Variants in CSMD1 observed in about 807,000 individuals in gnomAD.
The protein encoded by CSMD1 is CUB and Sushi multiple domains 1.
A neutral mutation model predicts 417.5 loss-of-function variants in CSMD1; 213 were observed. The observed-to-expected ratio is 0.51, with a 90% CI of 0.46 to 0.57. The LOEUF (loss-of-function observed/expected upper bound fraction) is 0.57, where lower values mean the gene tolerates loss of function less well. CSMD1 is among the 20% of genes least tolerant of loss of function. The pLI, the probability that CSMD1 is intolerant of heterozygous loss-of-function variation, is 0.00. For synonymous variants in CSMD1, 2,862 were observed against 1,736.8 expected, an observed-to-expected ratio of 1.65 and a Z score of -16.11; for missense variants, 6,923 against 4,529.7, an observed-to-expected ratio of 1.53 and a Z score of -15.17.
chr8:4,446,861 T>G (rs192689775), intron 2 of CSMD1, among the ~76,000 whole-genome samples: 1 of 151,146 alleles, frequency 6.6e-6, no homozygotes, highest in East Asian at 2.0e-4. Flanking sequence ...GACCTTGTGA[T>G]CCACCCGCCT....
chr8:3,958,303 A>AT (rs201408245), intron 5 of CSMD1, among the ~76,000 whole-genome samples: 1,620 of 131,436 alleles, frequency 0.012, 30 homozygotes, highest in African/African-American at 0.044. Context: ...AAAAAGTTTC[A>AT]TTTTTTTAAA....
intron 30 of CSMD1, among the ~76,000 whole-genome samples, chr8:3,212,386 T>C (rs1216089079): frequency 6.6e-6 from 1 of 152,176 alleles, no homozygotes; most frequent in African/African-American, 2.4e-5. Flanking sequence ...TGTCGATCTG[T>C]TGCCCAGGCT....
chr8:4,433,368 T>A (rs1014742169), intron 2 of CSMD1, among the ~76,000 whole-genome samples: 5 of 152,090 alleles, frequency 3.3e-5, no homozygotes, highest in Admixed American at 2.0e-4. Context: ...ACTCATAATA[T>A]CATGGACATG....
intron 5 of CSMD1, among the ~76,000 whole-genome samples, chr8:3,970,819 C>T (rs1004371696): frequency 5.9e-5 from 9 of 152,112 alleles, no homozygotes; most frequent in African/African-American, 2.2e-4. Context: ...GGGGCACCAT[C>T]TGTCTCACTG....
chr8:4,131,469 T>C (rs146129936), intron 3 of CSMD1, among the ~76,000 whole-genome samples: 2 of 152,304 alleles, frequency 1.3e-5, no homozygotes, highest in Non-Finnish European at 2.9e-5. Flanking sequence ...TCTTAAAAAA[T>C]AAAAGTTTGA....
rs2164899 is a variant in CSMD1, at chr8:4,854,390, G to A, written c.85+139942C>T. ...TCAAAGGATTTGGTTGTTTAGAAGCGTGTGCCACTCCGGATCGAGCCAAGA... is the reference window on the plus strand; with the variant it reads ...TCAAAGGATTTGGTTGTTTAGAAGCATGTGCCACTCCGGATCGAGCCAAGA... On this transcript the variant is annotated intron_variant, in intron 1 of 69. Coordinates refer to ENST00000635120, the MANE Select transcript of CSMD1 (RefSeq NM_033225.6). Among the ~76,000 whole-genome samples, 25 of 152,076 alleles carry A rather than the reference G, an allele frequency of 1.6e-4. No homozygotes were observed. The East Asian group carries it at 1.8e-3, about 11-fold the overall frequency.
At chr8:4,730,401 A>C (rs1367576830) in intron 1 of CSMD1, among the ~76,000 whole-genome samples, 1 of 152,188 alleles carries the variant, frequency 6.6e-6, no homozygotes, top group Non-Finnish European at 1.5e-5. Flanking sequence ...GGGAATAAAA[A>C]GTAGTTGAGT....
At chr8:3,400,765 G>C (rs1024771923) in intron 15 of CSMD1, among the ~76,000 whole-genome samples, 1 of 151,372 alleles carries the variant, frequency 6.6e-6, no homozygotes, top group Non-Finnish European at 1.5e-5. Flanking sequence ...GTTAATAATG[G>C]ATAGCACTGG....
intron 5 of CSMD1, among the ~76,000 whole-genome samples, chr8:3,880,360 T>A (rs1466244333): frequency 1.1e-4 from 16 of 152,200 alleles, no homozygotes; most frequent in Admixed American, 9.8e-4. Flanking sequence ...TAATTGACAG[T>A]AAACAATATG....
chr8:4,536,285 A>C (rs1372072960), intron 2 of CSMD1, among the ~76,000 whole-genome samples: 1 of 152,206 alleles, frequency 6.6e-6, no homozygotes, highest in East Asian at 1.9e-4. Flanking sequence ...AACATGTTCT[A>C]TTAAAAAAAA....
At chr8:3,898,239 T>A (rs1011879615) in intron 5 of CSMD1, among the ~76,000 whole-genome samples, 1 of 152,024 alleles carries the variant, frequency 6.6e-6, no homozygotes, top group Non-Finnish European at 1.5e-5. Flanking sequence ...AAAATAAAAA[T>A]AGCTCAGATA....
At chr8:4,726,774 TG>T (rs1809487878) in intron 1 of CSMD1, among the ~76,000 whole-genome samples, 1 of 152,254 alleles carries the variant, frequency 6.6e-6, no homozygotes, top group Non-Finnish European at 1.5e-5. Flanking sequence ...TCCTATGTTC[TG>T]GCTTGTATTA....
intron 5 of CSMD1, among the ~76,000 whole-genome samples, chr8:3,836,866 A>G (rs143654256): frequency 6.6e-6 from 1 of 152,312 alleles, no homozygotes; most frequent in African/African-American, 2.4e-5. Flanking sequence ...AGTATTTAAT[A>G]TAACTTGACT....
chr8:3,429,650 T>C (rs1207722024), intron 12 of CSMD1, among the ~76,000 whole-genome samples: 3 of 152,248 alleles, frequency 2.0e-5, no homozygotes, highest in Non-Finnish European at 4.4e-5. Flanking sequence ...TCAAAACTCA[T>C]CGAATTGCAC....
At chr8:3,169,140 A>T (rs1024140371) in intron 37 of CSMD1, among the ~76,000 whole-genome samples, 10 of 152,202 alleles carry the variant, frequency 6.6e-5, no homozygotes, top group African/African-American at 2.4e-5. Flanking sequence ...GTCATAAGCC[A>T]GGAAATGACA....
At chr8:3,992,987 A>T (rs575874414) in intron 5 of CSMD1, among the ~76,000 whole-genome samples, 1 of 152,344 alleles carries the variant, frequency 6.6e-6, no homozygotes, top group Non-Finnish European at 1.5e-5. Context: ...CCACAGTTGG[A>T]CAGGGCCAAG....
chr8:3,255,883 C>T (rs1305339791), intron 26 of CSMD1, among the ~76,000 whole-genome samples: 1 of 152,214 alleles, frequency 6.6e-6, no homozygotes, highest in Non-Finnish European at 1.5e-5. Flanking sequence ...CCTGCACCCA[C>T]TTTCCGACAC....
chr8:3,625,696 C>T (rs556816572), intron 7 of CSMD1, among the ~76,000 whole-genome samples: 78 of 152,204 alleles, frequency 5.1e-4, no homozygotes, highest in African/African-American at 1.8e-3. Flanking sequence ...AACGATTTGG[C>T]ATTCCTAAAA....
chr8:4,262,722 C>G (rs1021715675), intron 3 of CSMD1, among the ~76,000 whole-genome samples: 1 of 152,178 alleles, frequency 6.6e-6, no homozygotes, highest in Non-Finnish European at 1.5e-5. Flanking sequence ...CCAAAATCCA[C>G]TTCCCTTTTG....
Sources: gnomAD v4.1 joint callset for allele counts (sites outside exome capture counted in the v4.1 genomes callset) on GRCh38, gnomAD v4.1.1 for gene constraint, MANE v1.5 for transcripts, NCBI Gene and HGNC (gene_info 2026-07-23, HGNC 2026-07-21) for gene names.